The following SPRED2 variants were observed in gnomAD, a reference collection of about 807,000 sequenced individuals.
SPRED2 encodes the protein sprouty-related, EVH1 domain-containing protein 2.
Under a neutral mutation model 43.0 loss-of-function variants are expected in SPRED2, and 47 were observed. That is an observed-to-expected ratio of 1.09 (90% CI 0.87 to 1.40). The LOEUF (loss-of-function observed/expected upper bound fraction) is 1.40. Ranked by LOEUF, SPRED2 falls within the 40% of genes most tolerant of loss-of-function variation. The pLI is 0.00. For synonymous variants in SPRED2, 225 were observed against 225.7 expected, an observed-to-expected ratio of 1.00 and a Z score of 0.03; for missense variants, 561 against 586.4, an observed-to-expected ratio of 0.96 and a Z score of 0.45.
In SPRED2 at chr2:65,312,454, G is replaced by C; in HGVS notation, c.*1047C>G. 1.0e-6 allele frequency: 1 copy of C among 985,364 alleles called. No individual in the cohort carries two copies. Among genetic ancestry groups the C allele is most frequent in the Non-Finnish European group, 1.2e-6 (1 of 829,894 alleles). The allele number at this position is 985,364 out of a possible 1,614,324, so 61.0% of individuals were successfully genotyped here. ...CATTAATATAAAATAGCCAGGGGTT[G>C]GGGGGAAGAAGCTCCCTATGGTTTT... On this transcript the variant is annotated 3_prime_UTR_variant, in exon 6 of 6. Transcript: ENST00000356388.
At chr2:65,363,835 C>T (rs552453813) in intron 1 of SPRED2, among the ~76,000 whole-genome samples, 126 of 152,254 alleles carry the variant, frequency 8.3e-4, no homozygotes, top group South Asian at 2.3e-3. Flanking sequence ...TTATTGAATT[C>T]GTAATAGCTT....
At chr2:65,309,959 C>T (rs1673026071), downstream of SPRED2, among the ~76,000 whole-genome samples, 1 of 152,188 alleles carries the variant, frequency 6.6e-6, no homozygotes, top group Non-Finnish European at 1.5e-5. Flanking sequence ...TGGTTCAGTC[C>T]TTGCCTCCTG....
intron 1 of SPRED2, among the ~76,000 whole-genome samples, chr2:65,420,972 A>G (rs894305795): frequency 3.3e-5 from 5 of 152,200 alleles, no homozygotes; most frequent in African/African-American, 1.2e-4. Flanking sequence ...CTGTTTAATT[A>G]CTTCCTGTGA....
chr2:65,398,996 T>C (rs1291182490), intron 1 of SPRED2, among the ~76,000 whole-genome samples: 3 of 152,210 alleles, frequency 2.0e-5, no homozygotes, highest in South Asian at 2.1e-4. Context: ...AAATGTGGTA[T>C]AGCTGGGCGC....
At position 65,344,889 on chromosome 2, in the gene SPRED2, A is replaced by G; in HGVS notation, c.34T>C (p.Tyr12His). Residue 12 changes from tyrosine (Y) to histidine (H), a missense_variant, in exon 2 of 6, where the codon TAT (tyrosine) becomes CAT (histidine). Coordinates refer to ENST00000356388, the MANE Select transcript of SPRED2 (RefSeq NM_181784.3). ...ACCACAGCCTTGACACGCACAATAT[A>G]GCTGTCACTAAAACGACAAGAAGAA... ...TEETHPDDDS[Y>H]IVRVKAVVMT... 6.2e-7 allele frequency: 1 copy of G among 1,613,018 alleles called. No homozygotes were observed. The highest frequency in any genetic ancestry group is 1.3e-5 in the African/African-American group (1 of 75,024).
At chr2:65,318,139 A>G (rs1029826516) in intron 4 of SPRED2, among the ~76,000 whole-genome samples, 2 of 152,054 alleles carry the variant, frequency 1.3e-5, no homozygotes, top group African/African-American at 4.8e-5. Context: ...TTTTAAAAAG[A>G]GGTGTTCCCC....
chr2:65,320,192 T>C (rs1673370076), intron 4 of SPRED2, among the ~76,000 whole-genome samples: 1 of 152,240 alleles, frequency 6.6e-6, no homozygotes, highest in Non-Finnish European at 1.5e-5. Flanking sequence ...GTTACAGTCA[T>C]CTATTAGGTT....
chr2:65,391,496 T>C (rs1675635169), intron 1 of SPRED2, among the ~76,000 whole-genome samples: 1 of 152,208 alleles, frequency 6.6e-6, no homozygotes, highest in South Asian at 2.1e-4. Flanking sequence ...TGGATTTTCA[T>C]TCAGTTTTGT....
chr2:65,421,440 A>G (rs1676420209), intron 1 of SPRED2, among the ~76,000 whole-genome samples: 1 of 152,242 alleles, frequency 6.6e-6, no homozygotes, highest in African/African-American at 2.4e-5. Context: ...TTAAGAATGC[A>G]GAATCTCAGG....
intron 1 of SPRED2, among the ~76,000 whole-genome samples, chr2:65,361,130 T>C (rs1379444400): frequency 6.6e-6 from 1 of 152,242 alleles, no homozygotes; most frequent in Non-Finnish European, 1.5e-5. Flanking sequence ...AAAAGTAACA[T>C]ATGTCCCCAT....
chr2:65,367,563 T>C (rs1237846658), intron 1 of SPRED2, among the ~76,000 whole-genome samples: 2 of 152,078 alleles, frequency 1.3e-5, no homozygotes, highest in Non-Finnish European at 2.9e-5. Context: ...CACATGTGAG[T>C]GTGGGAGCTG....
intron 1 of SPRED2, among the ~76,000 whole-genome samples, chr2:65,415,612 T>G (rs752508680): frequency 4.8e-4 from 73 of 152,222 alleles, no homozygotes; most frequent in Non-Finnish European, 1.6e-4. Context: ...CTGTGTTACA[T>G]CACCAAGGAA....
chr2:65,355,389 C>T (rs1474923553), intron 1 of SPRED2, among the ~76,000 whole-genome samples: 3 of 152,074 alleles, frequency 2.0e-5, no homozygotes, highest in South Asian at 2.1e-4. Context: ...CACGAAAACA[C>T]GAATGGCTCT....
intron 1 of SPRED2, among the ~76,000 whole-genome samples, chr2:65,429,020 A>G (rs901075914): frequency 6.6e-6 from 1 of 152,250 alleles, no homozygotes; most frequent in Admixed American, 6.5e-5. Context: ...GAGAATGGTC[A>G]GTGTATTTTC....
Position 65,332,788 on chromosome 2 carries a change from C to T in SPRED2, c.374-737G>A, listed in dbSNP as rs977892583. ...TCACCTTTTTCTTCATTCTGGTATG[C>T]GAATCAGGTACAACTGCCCTACTTC... On this transcript the variant is annotated intron_variant, in intron 3 of 5. Transcript: ENST00000356388. Among the ~76,000 whole-genome samples, 53 of 152,054 alleles carry T rather than the reference C, an allele frequency of 3.5e-4. 1 individual carries two copies. The highest frequency in any genetic ancestry group is 3.4e-3 in the Admixed American group (52 of 15,252).
At chr2:65,381,004 C>T (rs1170324495) in intron 1 of SPRED2, among the ~76,000 whole-genome samples, 12 of 152,250 alleles carry the variant, frequency 7.9e-5, no homozygotes, top group African/African-American at 2.2e-4. Context: ...CTGAGGAAGG[C>T]GCTCTTAGGA....
chr2:65,357,051 C>T (rs983308951), intron 1 of SPRED2, among the ~76,000 whole-genome samples: 4 of 152,052 alleles, frequency 2.6e-5, no homozygotes, highest in African/African-American at 9.7e-5. Flanking sequence ...ATAATTTAAC[C>T]TATAGAGGAG....
intron 1 of SPRED2, among the ~76,000 whole-genome samples, chr2:65,403,683 G>T (rs1449295523): frequency 6.6e-6 from 1 of 152,114 alleles, no homozygotes; most frequent in Non-Finnish European, 1.5e-5. Flanking sequence ...AAAAGCTGAA[G>T]AAAAAAGCAC....
chr2:65,395,082 G>A (rs1298130387), intron 1 of SPRED2, among the ~76,000 whole-genome samples: 1 of 152,058 alleles, frequency 6.6e-6, no homozygotes, highest in African/African-American at 2.4e-5. Flanking sequence ...AACTCCGCCC[G>A]AGGTATCCAG....
Sources: gnomAD v4.1 joint callset for allele counts (sites outside exome capture counted in the v4.1 genomes callset) on GRCh38, gnomAD v4.1.1 for gene constraint, MANE v1.5 for transcripts, NCBI Gene and HGNC (gene_info 2026-07-23, HGNC 2026-07-21) for gene names.